The following SCLY variants were observed in gnomAD, a reference collection of about 807,000 sequenced individuals.
SCLY encodes selenocysteine lyase.
A neutral mutation model predicts 50.1 loss-of-function variants in SCLY; 38 were observed. The observed-to-expected ratio is 0.76, with a 90% CI of 0.59 to 0.99. The LOEUF (loss-of-function observed/expected upper bound fraction) is 0.99. SCLY is among the 50% of genes least tolerant of loss of function. SCLY has a pLI of 0.00. For synonymous variants in SCLY, 243 were observed against 249.4 expected, an observed-to-expected ratio of 0.97 and a Z score of 0.24; for missense variants, 600 against 620.0, an observed-to-expected ratio of 0.97 and a Z score of 0.34.
In SCLY at chr2:238,097,009, G is replaced by A. The variant is rs554318491; in HGVS notation, c.1184+133G>A. ...GGACAGCCCTGTCTGGGCCCTAGGAGGGGCAGAGGGAGGGCTTCCTGGAAG... is the reference window on the plus strand; with the variant it reads ...GGACAGCCCTGTCTGGGCCCTAGGAAGGGCAGAGGGAGGGCTTCCTGGAAG... On this transcript the variant is annotated intron_variant, in intron 11 of 11. Transcript: ENST00000254663. 2.6e-5 allele frequency: 22 copies of A among 860,954 alleles called. No individual in the cohort carries two copies. The African/African-American group carries it at 3.3e-4, about 13-fold the overall frequency. 53.3% of individuals were successfully genotyped at this position (860,954 alleles called of 1,614,324 possible). A position where few individuals can be genotyped will look rare whatever the true frequency, so the allele number is the denominator to read the frequency against.
Position 238,099,412 on chromosome 2 carries a change from G to T in SCLY, c.*1057G>T. 2.2e-6 allele frequency: 1 copy of T among 450,310 alleles called. No homozygotes were observed. The highest frequency in any genetic ancestry group is 4.6e-6 in the Non-Finnish European group (1 of 217,448). The allele number at this position is 450,310 out of a possible 1,614,324, so 27.9% of individuals were successfully genotyped here. ...TAACGAATAAAAGATTTCAGTGCCC[G>T]ACTTGGGGATCCTGTGGTTTCTCTA... On this transcript the variant is annotated 3_prime_UTR_variant, in exon 12 of 12. Coordinates refer to ENST00000254663, the MANE Select transcript of SCLY (RefSeq NM_016510.7).
Position 238,096,851 on chromosome 2 carries a change from G to T in SCLY, c.1159G>T (p.Ala387Ser). The change falls in exon 11 of 12, where the codon GCG becomes TCG. Residue 387 changes from alanine (A) to serine (S), a missense_variant. Coordinates refer to ENST00000254663, the MANE Select transcript of SCLY (RefSeq NM_016510.7). ...CRVLMASVGA[A>S]CHSDHGDQPS... is the part of the protein sequence containing the mutation. ...AGTGCTGATGGCCAGTGTGGGGGCC[G>T]CGTGCCACTCGGACCACGGGGACCA... 6.2e-7 allele frequency: 1 copy of T among 1,612,202 alleles called. No homozygotes were observed. Among genetic ancestry groups the T allele is most frequent in the Non-Finnish European group, 8.5e-7 (1 of 1,179,464 alleles).
At chr2:238,096,963 G>C in intron 11 of SCLY, 87 bp downstream of exon 11, 2 of 1,302,794 alleles carry the variant, frequency 1.5e-6, no homozygotes, top group South Asian at 2.9e-5. Flanking sequence ...CCGGCCACTG[G>C]GCCGCACTCT....
intron 4 of SCLY, 199 bp from the exon 5 acceptor site, chr2:238,081,510 A>G: frequency 1.6e-6 from 1 of 630,752 alleles, no homozygotes; most frequent in Non-Finnish European, 2.6e-6. Flanking sequence ...AGCCGCGTTA[A>G]AGACACGTTC....
In SCLY at chr2:238,081,763, T is replaced by C; in HGVS notation, c.539T>C (p.Ile180Thr). 1 of 1,614,202 alleles carries C rather than the reference T, an allele frequency of 6.2e-7. No homozygotes were observed. The highest frequency in any genetic ancestry group is 8.5e-7 in the Non-Finnish European group (1 of 1,180,030). Residue 180 changes from isoleucine (I) to threonine (T), a missense_variant, in exon 5 of 12, where the codon ATC becomes ACC. By Grantham distance (89) the Ile-to-Thr change is moderately conservative. Coordinates refer to ENST00000254663, the MANE Select transcript of SCLY (RefSeq NM_016510.7). ...AGCGGGCAGGCAGAGGTGGACGACA[T>C]CCTCGCGGCAGTCCGCCCGACCACA... ...KVSGQAEVDD[I>T]LAAVRPTTRL...
chr2:238,098,140 G>A (rs575032239), intron 11 of SCLY, 62 bp from the exon 12 acceptor site: 3 of 1,573,268 alleles, frequency 1.9e-6, no homozygotes, highest in African/African-American at 2.7e-5. Flanking sequence ...CCAGAGCAGG[G>A]GGGGCTGTGT....
chr2:238,082,208 A>T lies in SCLY; in HGVS notation c.776A>T (p.Lys259Met). The T allele has an allele frequency of 6.2e-7, 1 of 1,600,682 alleles. No individual in the cohort carries two copies. Among genetic ancestry groups the T allele is most frequent in the East Asian group, 2.3e-5 (1 of 44,354 alleles). ...GACTTCCTTACAATCGTGGGGCACA[A>T]GGTAAGTCTGCAGAGGCTTCCTGCC... ...GVDFLTIVGH[K>M]FYGPRIGALY... The change falls in exon 6 of 12, where the codon AAG becomes ATG. Residue 259 changes from lysine to methionine, a missense_variant and splice_region_variant. Lys to Met is a moderately conservative substitution (Grantham distance 95). Transcript: ENST00000254663.
In SCLY at chr2:238,098,152, T is replaced by C. The variant is rs756672567; in HGVS notation, c.1185-50T>C. The C allele has an allele frequency of 6.2e-5, 98 of 1,587,628 alleles. No individual in the cohort carries two copies. In the Admixed American group the frequency reaches 1.6e-3, roughly 26 times the overall value. ...GGTCCAGAGCAGGGGGGGCTGTGTC[T>C]CTTCCATGTGCCCTCAGCAGCAGCT... On this transcript the variant is annotated intron_variant, in intron 11 of 11. Transcript: ENST00000254663.
In SCLY at chr2:238,083,092, C is replaced by A. The variant is rs2243417; in HGVS notation, c.778-156C>A. On this transcript the variant is annotated intron_variant, in intron 6 of 11. Transcript: ENST00000254663. The surrounding 1 kb of genome is among the most constrained non-coding windows in gnomAD (Gnocchi z 4.3). ...TGCCCCGAAGGCTTTTGTGACTCTG[C>A]GTGTCAAAAGGGGTGGCACTCAGAG... 0.32 allele frequency: 225,767 copies of A among 705,748 alleles called. 38,077 individuals carry two copies. Among genetic ancestry groups the A allele is most frequent in the East Asian group, 0.51 (18,221 of 35,878 alleles). 43.7% of individuals were successfully genotyped at this position (705,748 alleles called of 1,614,324 possible).
chr2:238,077,332 A>T (rs1486125665), intron 4 of SCLY, among the ~76,000 whole-genome samples: 3 of 152,246 alleles, frequency 2.0e-5, no homozygotes, highest in Non-Finnish European at 2.9e-5. Context: ...TGCTAGCATA[A>T]ATATCTTTTT....
Position 238,083,089 on chromosome 2 carries a change from C to CT in SCLY, c.778-158dup. On this transcript the variant is annotated intron_variant, in intron 6 of 11. Transcript: ENST00000254663. This position sits in a 1 kb window ranked among gnomAD's most constrained non-coding sequence, Gnocchi z 4.3. ...CCCTGCCCCGAAGGCTTTTGTGACT[C>CT]TGCGTGTCAAAAGGGGTGGCACTCA... 1 of 708,914 alleles carries CT rather than the reference C, an allele frequency of 1.4e-6. No homozygotes were observed. The allele number at this position is 708,914 out of a possible 1,614,324, so 43.9% of individuals were successfully genotyped here. A position where few individuals can be genotyped will look rare whatever the true frequency, so the allele number is the denominator to read the frequency against.
Position 238,082,101 on chromosome 2 carries a change from T to G in SCLY, c.669T>G (p.Ala223=). Residue 223 remains alanine, a synonymous_variant, in exon 6 of 12, where the codon GCT becomes GCG. Coordinates refer to ENST00000254663, the MANE Select transcript of SCLY (RefSeq NM_016510.7). Reference sequence around the variant, plus strand: ...CCCTGAACCAGGAACGGGTGGCAGCTGGGCTACCTCCCATCCTCGTGCACA... The same window carrying G: ...CCCTGAACCAGGAACGGGTGGCAGCGGGGCTACCTCCCATCCTCGTGCACA... ...IKALNQERVA[A]GLPPILVHTD... 1 of 1,613,742 alleles carries G rather than the reference T, an allele frequency of 6.2e-7. No individual in the cohort carries two copies. Among genetic ancestry groups the G allele is most frequent in the Non-Finnish European group, 8.5e-7 (1 of 1,180,010 alleles).
At chr2:238,068,299 AG>A (rs2065094278) in intron 3 of SCLY, 134 bp downstream of exon 3, 1 of 683,072 alleles carries the variant, frequency 1.5e-6, no homozygotes, top group Non-Finnish European at 2.3e-6. Context: ...CTGTAATCCC[AG>A]TACTTTGGGA....
intron 9 of SCLY, 73 bp from the exon 10 acceptor site, chr2:238,094,347 G>C: frequency 3.1e-6 from 4 of 1,275,948 alleles, no homozygotes; most frequent in Non-Finnish European, 3.4e-6. Context: ...TTCTGGAAAA[G>C]TCTAAATTTC....
chr2:238,098,581 C>CCGCCCACATAGAACCGCCCACATGGGAA lies in SCLY; in HGVS notation c.*237_*238insAACCGCCCACATGGGAACGCCCACATAG, dbSNP rs1691308953. The CCGCCCACATAGAACCGCCCACATGGGAA allele has an allele frequency of 1.1e-4, 36 of 329,100 alleles. No individual in the cohort carries two copies. Among genetic ancestry groups the CCGCCCACATAGAACCGCCCACATGGGAA allele is most frequent in the African/African-American group, 7.3e-4 (23 of 31,718 alleles). 20.4% of individuals were successfully genotyped at this position (329,100 alleles called of 1,614,324 possible). On this transcript the variant is annotated 3_prime_UTR_variant, in exon 12 of 12. Coordinates refer to ENST00000254663, the MANE Select transcript of SCLY (RefSeq NM_016510.7). ...GCCGCATAGGACTGCCCACATGGGA[C>CCGCCCACATAGAACCGCCCACATGGGAA]CGCCCACATAGGACCGCCCACATAG...
At chr2:238,098,063 G>A in intron 11 of SCLY, 139 bp from the exon 12 acceptor site, 1 of 976,462 alleles carries the variant, frequency 1.0e-6, no homozygotes, top group South Asian at 1.6e-5. Context: ...TGGGAGTTTA[G>A]CAGGAGGTGG....
chr2:238,084,963 C>T (rs1048377998), intron 7 of SCLY, among the ~76,000 whole-genome samples: 1 of 151,086 alleles, frequency 6.6e-6, no homozygotes, highest in Non-Finnish European at 1.5e-5. Flanking sequence ...TACCCCTTCT[C>T]CTGCCAGCAC....
At chr2:238,094,915 G>T in intron 10 of SCLY, 1 of 181,804 alleles carries the variant, frequency 5.5e-6, no homozygotes. Context: ...TTTAAAAACT[G>T]GCAGAGGCTG....
chr2:238,074,213 G>C (rs1332857107), intron 4 of SCLY, among the ~76,000 whole-genome samples: 1 of 152,006 alleles, frequency 6.6e-6, no homozygotes, highest in Non-Finnish European at 1.5e-5. Flanking sequence ...GGCTGAGGCA[G>C]GAGAATCACT....
Sources: gnomAD v4.1 joint callset for allele counts (sites outside exome capture counted in the v4.1 genomes callset) on GRCh38, gnomAD v4.1.1 for gene constraint, Gnocchi (gnomAD v3.1) non-coding constraint, MANE v1.5 for transcripts, NCBI Gene and HGNC (gene_info 2026-07-23, HGNC 2026-07-21) for gene names.